Variants in CDH3 observed in about 807,000 individuals in gnomAD.
CDH3 encodes the protein cadherin-3.
In CDH3, 54 loss-of-function variants were observed where a neutral mutation model predicts 82.0. That is an observed-to-expected ratio of 0.66 (90% CI 0.53 to 0.83). The LOEUF (loss-of-function observed/expected upper bound fraction) is 0.83, where lower values mean the gene tolerates loss of function less well. CDH3 is among the 40% of genes least tolerant of loss of function. CDH3 has a pLI of 0.00. For missense variants in CDH3, 1,054 were observed against 1,084.6 expected, an observed-to-expected ratio of 0.97 and a Z score of 0.40; for synonymous variants, 446 against 437.9, an observed-to-expected ratio of 1.02 and a Z score of -0.23.
chr16:68,701,601 A>G (rs114602951), downstream of CDH3, among the ~76,000 whole-genome samples: 163 of 148,490 alleles, frequency 1.1e-3, no homozygotes, highest in African/African-American at 4.0e-3. Context: ...GCTAGAGTGC[A>G]GTGGCACGAT....
chr16:68,647,513 G>T (rs1296847133), intron 2 of CDH3, among the ~76,000 whole-genome samples: 1 of 152,050 alleles, frequency 6.6e-6, no homozygotes, highest in African/African-American at 2.4e-5. Context: ...TCTGCTTTAC[G>T]GTTGTGAAAA....
At chr16:68,706,151 G>T (rs1961961090) in intron 1 of CDH3, among the ~76,000 whole-genome samples, 1 of 151,588 alleles carries the variant, frequency 6.6e-6, no homozygotes, top group Non-Finnish European at 1.5e-5. Context: ...AATGTGTCAA[G>T]ATCGACATCA....
chr16:68,708,399 G>T (rs1030023683), intron 1 of CDH3, among the ~76,000 whole-genome samples: 3 of 103,562 alleles, frequency 2.9e-5, no homozygotes, highest in Non-Finnish European at 7.0e-5. Context: ...AAACGCTGAA[G>T]TTTCACTCCA....
chr16:68,733,465 A>T, the CDH3 span, among the ~76,000 whole-genome samples: 1 of 152,104 alleles, frequency 6.6e-6, no homozygotes, highest in Admixed American at 6.5e-5. Flanking sequence ...AACAGAGGGC[A>T]GGCACAGTGG....
intron 2 of CDH3, among the ~76,000 whole-genome samples, chr16:68,664,140 C>T (rs1960674473): frequency 6.6e-6 from 1 of 152,040 alleles, no homozygotes; most frequent in Non-Finnish European, 1.5e-5. Context: ...CTTCTGATGC[C>T]CGGATTCTGT....
intron 8 of CDH3, among the ~76,000 whole-genome samples, chr16:68,681,677 A>G (rs1294190204): frequency 6.6e-6 from 1 of 152,136 alleles, no homozygotes; most frequent in African/African-American, 2.4e-5. Context: ...GTCTCTACTA[A>G]AAATACAAAA....
downstream of CDH3, among the ~76,000 whole-genome samples, chr16:68,703,886 G>A (rs1478599845): frequency 6.6e-6 from 1 of 152,186 alleles, no homozygotes; most frequent in East Asian, 1.9e-4. Flanking sequence ...GGCAGAGGTT[G>A]CAGTGAGCCG....
At chr16:68,687,435 G>A (rs998688185) in intron 11 of CDH3, 77 bp from the exon 12 acceptor site, 15 of 1,093,722 alleles carry the variant, frequency 1.4e-5, no homozygotes, top group Non-Finnish European at 2.0e-5. Context: ...TGAGAGCTGG[G>A]CGGTAAACAG....
chr16:68,685,450 G>A (rs1029013470), intron 11 of CDH3, 100 bp downstream of exon 11: 17 of 1,319,858 alleles, frequency 1.3e-5, no homozygotes, highest in East Asian at 6.9e-5. Flanking sequence ...AACATGTGTC[G>A]AGGAGGGCTA....
intron 2 of CDH3, among the ~76,000 whole-genome samples, chr16:68,669,368 A>G (rs778254989): frequency 5.3e-5 from 8 of 152,162 alleles, no homozygotes; most frequent in Admixed American, 1.3e-4. Context: ...CCTCAGATGT[A>G]TCTGGAATAT....
At position 68,700,058 on chromosome 16, in the gene CDH3, T is replaced by C. The variant is rs1961866580; in HGVS notation, c.*1658T>C. 1 of 152,136 alleles carries C rather than the reference T, an allele frequency of 6.6e-6. No homozygotes were observed. The allele number at this position is 152,136 out of a possible 1,614,324, so 9.4% of individuals were successfully genotyped here. ...TTTTTTAAATGACATCTGGTCATCA[T>C]CGAAATCAAGCAAAACAAAATTAAG... On this transcript the variant is annotated 3_prime_UTR_variant, in exon 16 of 16. Transcript: ENST00000264012.
chr16:68,658,890 A>T (rs1302208580), intron 2 of CDH3, among the ~76,000 whole-genome samples: 2 of 151,756 alleles, frequency 1.3e-5, no homozygotes, highest in African/African-American at 4.8e-5. Context: ...GGAGCTTTTT[A>T]TTTTTTTATC....
chr16:68,687,837 G>T, intron 12 of CDH3, 101 bp downstream of exon 12: 1 of 810,362 alleles, frequency 1.2e-6, no homozygotes, highest in Admixed American at 2.0e-5. Flanking sequence ...AGCATCTTGT[G>T]GGCCATGGGG....
intron 1 of CDH3, among the ~76,000 whole-genome samples, chr16:68,720,979 A>G (rs1962156759): frequency 6.6e-6 from 1 of 151,978 alleles, no homozygotes; most frequent in Non-Finnish European, 1.5e-5. Context: ...TCATCCTTAT[A>G]CCACTCCTAG....
chr16:68,724,931 G>A (rs1294042743), intron 2 of CDH3, among the ~76,000 whole-genome samples: 1 of 152,140 alleles, frequency 6.6e-6, no homozygotes, highest in African/African-American at 2.4e-5. Context: ...CAGAGGGTTG[G>A]TTGGGGAAGG....
Position 68,684,583 on chromosome 16 carries a change from G to C in CDH3, c.1183G>C (p.Gly395Arg), listed in dbSNP as rs757965198. The change falls in exon 10 of 16, where the codon GGT becomes CGT. Residue 395 changes from glycine to arginine, a missense_variant and splice_region_variant. Transcript: ENST00000264012. ...SNQGILTTRKGLDFEAKNQHT... is the reference protein window; with the variant it reads ...SNQGILTTRKRLDFEAKNQHT... Reference sequence around the variant, plus strand: ...GGTCCTTCTTCCTCTTCTCTCCTAGGGTTTGGATTTTGAGGCCAAAAACCA... The same window carrying C: ...GGTCCTTCTTCCTCTTCTCTCCTAGCGTTTGGATTTTGAGGCCAAAAACCA... 4 of 1,614,092 alleles carry C rather than the reference G, an allele frequency of 2.5e-6. No individual in the cohort carries two copies. The highest frequency in any genetic ancestry group is 3.3e-4 in the Middle Eastern group (2 of 6,062).
rs377604279 is a variant in CDH3 at position 68,650,937 on chromosome 16, T to TAA, written c.160+5203_160+5204dup. ...AGTTGATTGGCAACATTGAACAGGT[T>TAA]AAAAAAAAAAAAAAAAAGAAGAGGA... On this transcript the variant is annotated intron_variant, in intron 2 of 15. Coordinates refer to ENST00000264012, the MANE Select transcript of CDH3 (RefSeq NM_001793.6). 283 of 157,960 alleles carry TAA rather than the reference T, an allele frequency of 1.8e-3. 1 individual carries two copies. Among genetic ancestry groups the TAA allele is most frequent in the South Asian group, 2.4e-3 (17 of 7,194 alleles). 9.8% of individuals were successfully genotyped at this position (157,960 alleles called of 1,614,324 possible). A position where few individuals can be genotyped will look rare whatever the true frequency, so the allele number is the denominator to read the frequency against.
At chr16:68,694,475 A>T (rs1597819499) in intron 13 of CDH3, among the ~76,000 whole-genome samples, 2 of 151,668 alleles carry the variant, frequency 1.3e-5, no homozygotes, top group African/African-American at 4.9e-5. Context: ...TACAAAAATT[A>T]GCCAGGCTTG....
At chr16:68,730,108 C>T (rs186622454), downstream of CDH3, among the ~76,000 whole-genome samples, 85 of 152,124 alleles carry the variant, frequency 5.6e-4, 1 homozygote, top group East Asian at 0.013. Flanking sequence ...TGGTATGCGC[C>T]TGTAATCCCA....
Sources: gnomAD v4.1 joint callset for allele counts (sites outside exome capture counted in the v4.1 genomes callset) on GRCh38, gnomAD v4.1.1 for gene constraint, MANE v1.5 for transcripts, NCBI Gene and HGNC (gene_info 2026-07-23, HGNC 2026-07-21) for gene names.